Variants in NUTF2 observed in about 807,000 individuals in gnomAD.
The protein encoded by NUTF2 is nuclear transport factor 2.
In NUTF2, 3 loss-of-function variants were observed where a neutral mutation model predicts 18.5. That is an observed-to-expected ratio of 0.16 (90% CI 0.07 to 0.42). The LOEUF is 0.42. Among genes scored for constraint, NUTF2 ranks in the 10% least tolerant of loss-of-function variants. The probability of loss-of-function intolerance (pLI) is 0.99; values close to 1 mark genes in which losing one functional copy is unlikely to be tolerated. For missense variants in NUTF2, 44 were observed against 160.7 expected, an observed-to-expected ratio of 0.27 and a Z score of 3.93; for synonymous variants, 51 against 57.9, an observed-to-expected ratio of 0.88 and a Z score of 0.54.
At chr16:67,866,518 T>C (rs545188000) in intron 2 of NUTF2, among the ~76,000 whole-genome samples, 1 of 151,806 alleles carries the variant, frequency 6.6e-6, no homozygotes, top group Non-Finnish European at 1.5e-5. Context: ...CAGGCTGGAG[T>C]GCAGTGGTGC....
intron 2 of NUTF2, among the ~76,000 whole-genome samples, chr16:67,865,730 T>G (rs1425701774): frequency 6.6e-6 from 1 of 151,522 alleles, no homozygotes; most frequent in Non-Finnish European, 1.5e-5. Flanking sequence ...TTTTTTTTTT[T>G]TTTTTTTGAG....
chr16:67,868,634 G>A, intron 4 of NUTF2, 35 bp downstream of exon 4: 1 of 1,586,282 alleles, frequency 6.3e-7, no homozygotes, highest in Non-Finnish European at 8.6e-7. Flanking sequence ...GGAGGGGTGG[G>A]CAGGCAGAGG....
intron 1 of NUTF2, chr16:67,847,257 T>C (rs2057810462): frequency 6.6e-6 from 1 of 152,224 alleles, no homozygotes; most frequent in Admixed American, 6.5e-5. Flanking sequence ...GCCTGCGCCA[T>C]GGCCAGGCCT....
rs2058011819 is a variant in NUTF2, at chr16:67,871,378, GTC to G, written c.*472_*473del. 6.5e-6 allele frequency: 1 copy of G among 153,080 alleles called. No individual in the cohort carries two copies. The highest frequency in any genetic ancestry group is 6.5e-5 in the Admixed American group (1 of 15,300). 9.5% of individuals were successfully genotyped at this position (153,080 alleles called of 1,614,324 possible). ...GCATCAGAAGCTACCCAGACCCGTTGTCTCTCTCATGTTTCACCCTCCCACTT... is the reference window on the plus strand; with the variant it reads ...GCATCAGAAGCTACCCAGACCCGTTGTCTCTCATGTTTCACCCTCCCACTT... On this transcript the variant is annotated 3_prime_UTR_variant, in exon 5 of 5. Transcript: ENST00000219169.
intron 1 of NUTF2, among the ~76,000 whole-genome samples, chr16:67,851,505 G>GTTT (rs202053692): frequency 1.3e-5 from 2 of 151,416 alleles, no homozygotes; most frequent in Non-Finnish European, 2.9e-5. Context: ...CCAGAATTTT[G>GTTT]TTTTTTTTAT....
At chr16:67,849,731 T>C (rs2057838714) in intron 1 of NUTF2, among the ~76,000 whole-genome samples, 1 of 151,732 alleles carries the variant, frequency 6.6e-6, no homozygotes, top group Non-Finnish European at 1.5e-5. Context: ...CGATCTCTGC[T>C]CATTGCAAGC....
In NUTF2 at chr16:67,868,226, A is replaced by G. The variant is rs1211088375; in HGVS notation, c.100-114A>G. ...CTCAGTCTCCTTCTTTAGACAGGGA[A>G]ACTGAAGTGTGGCCACACTTCTCCA... is the stretch of plus-strand genomic sequence containing the variant. On this transcript the variant is annotated intron_variant, in intron 2 of 4. Coordinates refer to ENST00000219169, the MANE Select transcript of NUTF2 (RefSeq NM_005796.3). The G allele has an allele frequency of 1.6e-5, 13 of 834,186 alleles. No individual in the cohort carries two copies. The African/African-American group carries it at 1.9e-4, about 12-fold the overall frequency. The allele number at this position is 834,186 out of a possible 1,614,324, so 51.7% of individuals were successfully genotyped here.
chr16:67,856,699 G>A (rs994653521), intron 1 of NUTF2, among the ~76,000 whole-genome samples: 1 of 148,984 alleles, frequency 6.7e-6, no homozygotes, highest in African/African-American at 2.5e-5. Context: ...TTATAGGGAT[G>A]GGGTTTCATC....
At chr16:67,861,274 T>C (rs987332946) in intron 1 of NUTF2, among the ~76,000 whole-genome samples, 1 of 152,242 alleles carries the variant, frequency 6.6e-6, no homozygotes, top group African/African-American at 2.4e-5. Context: ...GCACATAAGC[T>C]CTTTGCACAT....
intron 1 of NUTF2, chr16:67,856,030 CAG>C (rs1158535981): frequency 3.5e-6 from 3 of 863,120 alleles, no homozygotes; most frequent in Non-Finnish European, 5.9e-6. Context: ...CTGTCTTGCT[CAG>C]GGGCCGGCAC....
chr16:67,852,036 C>T (rs1047475792), intron 1 of NUTF2, among the ~76,000 whole-genome samples: 4 of 151,794 alleles, frequency 2.6e-5, no homozygotes, highest in African/African-American at 7.3e-5. Flanking sequence ...AAATTCATAA[C>T]TAGAAGCCAC....
intron 1 of NUTF2, among the ~76,000 whole-genome samples, chr16:67,852,233 T>G (rs571075283): frequency 6.6e-6 from 1 of 152,062 alleles, no homozygotes; most frequent in South Asian, 2.1e-4. Flanking sequence ...CTGCAGGAGG[T>G]CAAGGAACCG....
In NUTF2 at chr16:67,851,614, C is replaced by T. The variant is rs1333579553; in HGVS notation, c.-30+4629C>T. 2.0e-5 allele frequency among the ~76,000 whole-genome samples: 3 copies of T among 152,182 alleles called. No homozygotes were observed. The East Asian group carries it at 5.8e-4, about 29-fold the overall frequency. ...TGTTGATGTGCTGCACCCATTAACT[C>T]GTCATTTACATTAGGTGTATCTCCT... On this transcript the variant is annotated intron_variant, in intron 1 of 4. Transcript: ENST00000219169.
At chr16:67,856,106 A>G (rs2057894909) in intron 1 of NUTF2, 1 of 492,174 alleles carries the variant, frequency 2.0e-6, no homozygotes, top group Admixed American at 3.1e-5. Context: ...GTGTATGGAC[A>G]TGTTCTTGTA....
chr16:67,848,871 A>C (rs757038194), intron 1 of NUTF2, among the ~76,000 whole-genome samples: 2 of 151,910 alleles, frequency 1.3e-5, no homozygotes, highest in Non-Finnish European at 2.9e-5. Flanking sequence ...AAAGCCACTG[A>C]CCCTGCATAT....
Position 67,859,529 on chromosome 16 carries a change from T to G in NUTF2, c.-29-5573T>G, listed in dbSNP as rs532185112. On this transcript the variant is annotated intron_variant, in intron 1 of 4. Coordinates refer to ENST00000219169, the MANE Select transcript of NUTF2 (RefSeq NM_005796.3). Reference sequence around the variant, plus strand: ...CTGCCACCATGCCCAGCTAATTTTTTGTATTTTTAGTAGAGACGGGATTTC... The same window carrying G: ...CTGCCACCATGCCCAGCTAATTTTTGGTATTTTTAGTAGAGACGGGATTTC... Among the ~76,000 whole-genome samples, 6 of 152,200 alleles carry G rather than the reference T, an allele frequency of 3.9e-5. No individual in the cohort carries two copies. In the South Asian group the frequency reaches 1.2e-3, roughly 32 times the overall value.
chr16:67,865,086 C>A lies in NUTF2; in HGVS notation c.-29-16C>A. 1 of 1,314,458 alleles carries A rather than the reference C, an allele frequency of 7.6e-7. No homozygotes were observed. Among genetic ancestry groups the A allele is most frequent in the Non-Finnish European group, 1.1e-6 (1 of 911,846 alleles). 81.4% of individuals were successfully genotyped at this position (1,314,458 alleles called of 1,614,324 possible). A position where few individuals can be genotyped will look rare whatever the true frequency, so the allele number is the denominator to read the frequency against. On this transcript the variant is annotated splice_polypyrimidine_tract_variant and intron_variant, in intron 1 of 4. Coordinates refer to ENST00000219169, the MANE Select transcript of NUTF2 (RefSeq NM_005796.3). ...ATGGTACCAATGCTTCCCTCCTGGT[C>A]TCATTGGTCTTGCAGGTCTCCGTGA...
At chr16:67,860,141 A>G (rs962166291) in intron 1 of NUTF2, among the ~76,000 whole-genome samples, 16 of 151,754 alleles carry the variant, frequency 1.1e-4, no homozygotes, top group Admixed American at 1.1e-3. Context: ...CACCACGCCC[A>G]GCTAATTTTT....
At chr16:67,864,059 C>A (rs1854917231) in intron 1 of NUTF2, among the ~76,000 whole-genome samples, 1 of 152,224 alleles carries the variant, frequency 6.6e-6, no homozygotes, top group South Asian at 2.1e-4. Context: ...TCAGCTTTCC[C>A]TCTGATCCTT....
Sources: gnomAD v4.1 joint callset for allele counts (sites outside exome capture counted in the v4.1 genomes callset) on GRCh38, gnomAD v4.1.1 for gene constraint, MANE v1.5 for transcripts, NCBI Gene and HGNC (gene_info 2026-07-23, HGNC 2026-07-21) for gene names.